The following LGSN variants were observed in gnomAD, a reference collection of about 807,000 sequenced individuals.
LGSN encodes lengsin.
Under a neutral mutation model 19.5 loss-of-function variants are expected in LGSN, and 21 were observed. The observed-to-expected ratio is 1.07, with a 90% CI of 0.76 to 1.55. The LOEUF is 1.55. Ranked by LOEUF, LGSN falls within the 40% of genes most tolerant of loss-of-function variation. LGSN has a pLI of 0.00. For synonymous variants in LGSN, 257 were observed against 215.6 expected, an observed-to-expected ratio of 1.19 and a Z score of -1.68; for missense variants, 673 against 608.5, an observed-to-expected ratio of 1.11 and a Z score of -1.12.
At chr6:63,341,805 C>T in the LGSN span, among the ~76,000 whole-genome samples, 14 of 152,064 alleles carry the variant, frequency 9.2e-5, no homozygotes, top group Admixed American at 3.9e-4. Flanking sequence ...TCTTGAGAGT[C>T]TTTGTGCAAG....
the LGSN span, among the ~76,000 whole-genome samples, chr6:63,564,386 G>A: frequency 2.6e-5 from 4 of 152,022 alleles, no homozygotes; most frequent in Non-Finnish European, 4.4e-5. Context: ...AGATAGCAAC[G>A]TTTGTTGAAC....
At chr6:63,432,081 AAAAGAAGGAAAGAAAGAAAG>A in the LGSN span, among the ~76,000 whole-genome samples, 2 of 127,608 alleles carry the variant, frequency 1.6e-5, no homozygotes, top group Non-Finnish European at 3.3e-5. Flanking sequence ...TCTCGAAAGA[AAAAGAAGGAAAGAAAGAAAG>A]AAAGAAAGAA....
chr6:63,453,301 C>A, the LGSN span, among the ~76,000 whole-genome samples: 1 of 151,994 alleles, frequency 6.6e-6, no homozygotes, highest in Non-Finnish European at 1.5e-5. Flanking sequence ...ATAAACAGAT[C>A]ATGTTGGTTG....
chr6:63,528,064 A>G, the LGSN span: 1 of 152,230 alleles, frequency 6.6e-6, no homozygotes, highest in Non-Finnish European at 1.5e-5. Flanking sequence ...CTATGGGAGA[A>G]GGAAGGCAGG....
the LGSN span, among the ~76,000 whole-genome samples, chr6:63,344,804 G>T: frequency 6.6e-6 from 1 of 152,000 alleles, no homozygotes; most frequent in Non-Finnish European, 1.5e-5. Flanking sequence ...TTGTAGTACA[G>T]AAAAAAATAC....
the LGSN span, among the ~76,000 whole-genome samples, chr6:63,393,854 T>A: frequency 5.3e-5 from 8 of 152,200 alleles, no homozygotes; most frequent in Non-Finnish European, 1.0e-4. Context: ...CCAGACAATG[T>A]AGCCACTTCA....
chr6:63,529,127 A>G, the LGSN span, among the ~76,000 whole-genome samples: 1 of 140,726 alleles, frequency 7.1e-6, no homozygotes, highest in Non-Finnish European at 1.5e-5. Flanking sequence ...ATATGTATAT[A>G]TATGTGTGTG....
the LGSN span, among the ~76,000 whole-genome samples, chr6:63,500,566 C>T: frequency 7.9e-5 from 12 of 151,902 alleles, no homozygotes; most frequent in Admixed American, 7.9e-4. Flanking sequence ...GGATTGCAGG[C>T]ATGCACCACC....
chr6:63,362,834 G>A, the LGSN span, among the ~76,000 whole-genome samples: 3 of 152,144 alleles, frequency 2.0e-5, no homozygotes, highest in African/African-American at 4.8e-5. Context: ...TGTCTGACAG[G>A]TCTGAAGAGA....
the LGSN span, among the ~76,000 whole-genome samples, chr6:63,459,240 G>C: frequency 9.2e-5 from 14 of 152,240 alleles, no homozygotes; most frequent in Admixed American, 6.5e-4. Context: ...TCTCTCAAAA[G>C]ATTTTTTTTA....
At chr6:63,315,888 C>T (rs1768830591) in intron 1 of LGSN, among the ~76,000 whole-genome samples, 1 of 147,178 alleles carries the variant, frequency 6.8e-6, no homozygotes, top group Non-Finnish European at 1.5e-5. Context: ...AAAAAAAAAA[C>T]TCCACATTTC....
At chr6:63,496,456 T>C in the LGSN span, among the ~76,000 whole-genome samples, 2 of 152,302 alleles carry the variant, frequency 1.3e-5, no homozygotes, top group East Asian at 3.9e-4. Context: ...AGGTTGCATA[T>C]AGCTGTGTGG....
the LGSN span, among the ~76,000 whole-genome samples, chr6:63,332,246 A>C: frequency 6.6e-6 from 1 of 152,180 alleles, no homozygotes; most frequent in Non-Finnish European, 1.5e-5. Context: ...ATTAGAAATC[A>C]TTCTTATAGG....
chr6:63,361,958 T>C, the LGSN span, among the ~76,000 whole-genome samples: 6 of 152,210 alleles, frequency 3.9e-5, no homozygotes, highest in Admixed American at 1.3e-4. Context: ...CAGGCACACT[T>C]GTAGCTCCTG....
At chr6:63,402,466 T>C in the LGSN span, among the ~76,000 whole-genome samples, 8 of 152,172 alleles carry the variant, frequency 5.3e-5, no homozygotes, top group Admixed American at 5.2e-4. Context: ...GGCCTGAAGA[T>C]TCTTATTTCT....
At chr6:63,430,260 T>C in the LGSN span, among the ~76,000 whole-genome samples, 1 of 152,194 alleles carries the variant, frequency 6.6e-6, no homozygotes, top group Admixed American at 6.5e-5. Flanking sequence ...CCAGCCTCTC[T>C]GGGCTCTGGT....
chr6:63,570,203 TG>T, the LGSN span, among the ~76,000 whole-genome samples: 1 of 152,134 alleles, frequency 6.6e-6, no homozygotes, highest in Non-Finnish European at 1.5e-5. Flanking sequence ...TGGTGGCAGG[TG>T]GCTGTAATCC....
chr6:63,323,108 T>C (rs1205478673), upstream of LGSN, among the ~76,000 whole-genome samples: 3 of 152,216 alleles, frequency 2.0e-5, no homozygotes, highest in Non-Finnish European at 4.4e-5. Flanking sequence ...TAAAGTTAAA[T>C]GAAGTCAGTT....
At chr6:63,399,418 G>A in the LGSN span, among the ~76,000 whole-genome samples, 23 of 149,194 alleles carry the variant, frequency 1.5e-4, 2 homozygotes, top group South Asian at 3.8e-3. Flanking sequence ...TTTTGAGACG[G>A]AGTTTCGCTC....
Sources: gnomAD v4.1 joint callset for allele counts (sites outside exome capture counted in the v4.1 genomes callset) on GRCh38, gnomAD v4.1.1 for gene constraint, MANE v1.5 for transcripts, NCBI Gene and HGNC (gene_info 2026-07-23, HGNC 2026-07-21) for gene names.